ATP2C1: variants seen among roughly 807,000 people sequenced by gnomAD.
ATP2C1 encodes the protein ATPase secretory pathway Ca2+ transporting 1.
Under a neutral mutation model 120.5 loss-of-function variants are expected in ATP2C1, and 31 were observed. The ratio of observed to expected loss-of-function variants is 0.26; its 90% CI spans 0.19 to 0.35. ATP2C1 has a LOEUF of 0.35. Among genes scored for constraint, ATP2C1 ranks in the 10% least tolerant of loss-of-function variants. ATP2C1 has a pLI of 1.00. For missense variants in ATP2C1, 731 were observed against 1,107.5 expected, an observed-to-expected ratio of 0.66 and a Z score of 4.83; for synonymous variants, 351 against 358.7, an observed-to-expected ratio of 0.98 and a Z score of 0.24.
At chr3:130,964,487 T>C (rs2060966123) in intron 13 of ATP2C1, among the ~76,000 whole-genome samples, 1 of 152,110 alleles carries the variant, frequency 6.6e-6, no homozygotes, top group African/African-American at 2.4e-5. Flanking sequence ...GTTATATTGC[T>C]GTAACAAAAC....
chr3:130,894,351 T>G lies in ATP2C1; in HGVS notation c.-181+14T>G. On this transcript the variant is annotated intron_variant, in intron 1 of 27. Coordinates refer to ENST00000510168, the MANE Select transcript of ATP2C1 (RefSeq NM_001378687.1). This position sits in a 1 kb window ranked among gnomAD's most constrained non-coding sequence, Gnocchi z 4.5. ...CCGGGGCTTTGGGTGGGTACCAGTA[T>G]TACCTCCTGCCCCCATTTCTAGAAA... is the stretch of plus-strand genomic sequence containing the variant. The G allele has an allele frequency of 9.4e-7, 1 of 1,066,922 alleles. No individual in the cohort carries two copies. The highest frequency in any genetic ancestry group is 2.7e-5 in the South Asian group (1 of 36,658). The allele number at this position is 1,066,922 out of a possible 1,614,324, so 66.1% of individuals were successfully genotyped here.
rs1184766139 is a variant in ATP2C1 at position 130,950,641 on chromosome 3, G to GT, written c.532-3180_532-3179insT. 9.3e-4 allele frequency among the ~76,000 whole-genome samples: 142 copies of GT among 152,238 alleles called. 2 individuals are homozygous for GT. The highest frequency in any genetic ancestry group is 2.9e-5 in the Non-Finnish European group (2 of 67,996). Reference sequence around the variant, plus strand: ...TCAACAGATAGTTGAAATCTTTGCAGATTGGGACATTGTAAGATTTAGACA... The same window carrying GT: ...TCAACAGATAGTTGAAATCTTTGCAGTATTGGGACATTGTAAGATTTAGACA... On this transcript the variant is annotated intron_variant, in intron 8 of 27. Transcript: ENST00000510168.
At chr3:130,896,672 C>G (rs368330585) in intron 2 of ATP2C1, among the ~76,000 whole-genome samples, 2 of 152,140 alleles carry the variant, frequency 1.3e-5, no homozygotes, top group Admixed American at 6.5e-5. Flanking sequence ...AAAATGGATT[C>G]AAGTCTTGAC....
intron 1 of ATP2C1, among the ~76,000 whole-genome samples, chr3:130,881,138 ACAG>A (rs2068766682): frequency 6.6e-6 from 1 of 152,206 alleles, no homozygotes. Flanking sequence ...TGAAATTGAT[ACAG>A]CATTTAAATG....
chr3:130,985,944 C>G (rs527767767), intron 20 of ATP2C1, among the ~76,000 whole-genome samples: 1 of 152,222 alleles, frequency 6.6e-6, no homozygotes, highest in African/African-American at 2.4e-5. Flanking sequence ...TGAACATTCT[C>G]TATTAAATTT....
chr3:130,986,184 C>T (rs377043106), intron 20 of ATP2C1, among the ~76,000 whole-genome samples: 38 of 135,150 alleles, frequency 2.8e-4, no homozygotes, highest in Admixed American at 1.2e-3. Context: ...TTGAATAGGG[C>T]TTTTTTTTTT....
At chr3:130,949,594 C>T (rs2060284064) in intron 8 of ATP2C1, among the ~76,000 whole-genome samples, 2 of 152,034 alleles carry the variant, frequency 1.3e-5, no homozygotes, top group Non-Finnish European at 2.9e-5. Flanking sequence ...GTGGTTGTAC[C>T]GAACATTTTC....
Position 130,932,003 on chromosome 3 carries a change from C to G in ATP2C1, c.118-19C>G, listed in dbSNP as rs745865842. 6.8e-7 allele frequency: 1 copy of G among 1,460,174 alleles called. No homozygotes were observed. The highest frequency in any genetic ancestry group is 9.6e-7 in the Non-Finnish European group (1 of 1,039,834). The allele number at this position is 1,460,174 out of a possible 1,614,324, so 90.5% of individuals were successfully genotyped here. On this transcript the variant is annotated intron_variant, in intron 3 of 27. Coordinates refer to ENST00000510168, the MANE Select transcript of ATP2C1 (RefSeq NM_001378687.1). ...CTGTGCTAACATTTTCAATAACTTT[C>G]ATGTATAAACTCTAATAGGCTGATC...
In ATP2C1 at chr3:131,001,534, T is replaced by C; in HGVS notation, c.*184T>C. 1 of 1,314,086 alleles carries C rather than the reference T, an allele frequency of 7.6e-7. No homozygotes were observed. Among genetic ancestry groups the C allele is most frequent in the Non-Finnish European group, 9.7e-7 (1 of 1,027,928 alleles). The allele number at this position is 1,314,086 out of a possible 1,614,324, so 81.4% of individuals were successfully genotyped here. ...AGTCCCAAATGAAATTATGCAACTT[T>C]GATATCATATTCCTTGATTTAAATT... On this transcript the variant is annotated 3_prime_UTR_variant, in exon 28 of 28. Transcript: ENST00000510168.
chr3:131,012,573 T>C (rs573317926), intron 26 of ATP2C1, among the ~76,000 whole-genome samples: 59 of 152,142 alleles, frequency 3.9e-4, no homozygotes, highest in Middle Eastern at 3.2e-3. Context: ...CTCACATGTT[T>C]ATAGTCCTCA....
intron 2 of ATP2C1, among the ~76,000 whole-genome samples, chr3:130,900,928 A>G (rs2057790978): frequency 6.6e-6 from 1 of 152,046 alleles, no homozygotes; most frequent in African/African-American, 2.4e-5. Flanking sequence ...TTGGCCATCT[A>G]TTTTTAGTGT....
chr3:130,891,020 T>C (rs2069150117), upstream of ATP2C1, among the ~76,000 whole-genome samples: 1 of 152,186 alleles, frequency 6.6e-6, no homozygotes, highest in Non-Finnish European at 1.5e-5. Flanking sequence ...AAGACTGCAG[T>C]GTGCTATGAT....
At chr3:130,926,315 T>A (rs1000474979) in intron 2 of ATP2C1, among the ~76,000 whole-genome samples, 1 of 152,160 alleles carries the variant, frequency 6.6e-6, no homozygotes, top group Non-Finnish European at 1.5e-5. Flanking sequence ...ATAATGTGTA[T>A]CTACCTACAA....
intron 17 of ATP2C1, among the ~76,000 whole-genome samples, chr3:130,972,608 T>A (rs1272846715): frequency 2.8e-5 from 4 of 140,714 alleles, no homozygotes; most frequent in African/African-American, 1.0e-4. Flanking sequence ...TATCTCCTAA[T>A]GCTATCCCTC....
chr3:130,984,291 T>C (rs1203098626), intron 20 of ATP2C1, among the ~76,000 whole-genome samples: 1 of 152,192 alleles, frequency 6.6e-6, no homozygotes, highest in Non-Finnish European at 1.5e-5. Context: ...ATTGTTATTA[T>C]TTTTTACCAC....
intron 2 of ATP2C1, among the ~76,000 whole-genome samples, chr3:130,926,055 C>T: frequency 6.6e-6 from 1 of 152,180 alleles, no homozygotes; most frequent in East Asian, 1.9e-4. Flanking sequence ...CCACAAGCCT[C>T]CCCCTTGAGA....
chr3:130,930,352 A>AT lies in ATP2C1; in HGVS notation c.7-62dup, dbSNP rs769736284. 5.7e-6 allele frequency: 6 copies of AT among 1,046,604 alleles called. No individual in the cohort carries two copies. The East Asian group carries it at 1.5e-4, about 26-fold the overall frequency. The allele number at this position is 1,046,604 out of a possible 1,614,324, so 64.8% of individuals were successfully genotyped here. Reference sequence around the variant, plus strand: ...TGCTGTGAACTTTTGGATTTTTATTATTCTAGACTGCATTACACTTGTTTG... The same window carrying AT: ...TGCTGTGAACTTTTGGATTTTTATTATTTCTAGACTGCATTACACTTGTTTG... On this transcript the variant is annotated intron_variant, in intron 2 of 27. Coordinates refer to ENST00000510168, the MANE Select transcript of ATP2C1 (RefSeq NM_001378687.1).
At chr3:130,997,173 A>G (rs962752692) in intron 24 of ATP2C1, among the ~76,000 whole-genome samples, 1 of 152,080 alleles carries the variant, frequency 6.6e-6, no homozygotes, top group Non-Finnish European at 1.5e-5. Flanking sequence ...GTATTAGAGG[A>G]CCTGAGTGTC....
intron 1 of ATP2C1, among the ~76,000 whole-genome samples, chr3:130,864,061 C>T (rs2068094517): frequency 6.6e-6 from 1 of 152,140 alleles, no homozygotes; most frequent in African/African-American, 2.4e-5. Flanking sequence ...CAGAAGAAGA[C>T]AGGAAAATTT....
Sources: allele counts gnomAD v4.1 joint callset (sites outside exome capture counted in the v4.1 genomes callset), GRCh38; gene constraint gnomAD v4.1.1; non-coding constraint Gnocchi (gnomAD v3.1); transcripts MANE v1.5; gene names NCBI Gene and HGNC (gene_info 2026-07-23, HGNC 2026-07-21).